Variants in ADAMTS2 observed in about 807,000 individuals in gnomAD.
ADAMTS2 encodes the protein ADAM metallopeptidase with thrombospondin type 1 motif 2.
In ADAMTS2, 50 loss-of-function variants were observed where a neutral mutation model predicts 123.0. That is an observed-to-expected ratio of 0.41 (90% CI 0.32 to 0.51). ADAMTS2 has a LOEUF of 0.51. Among genes scored for constraint, ADAMTS2 ranks in the 20% least tolerant of loss-of-function variants. The pLI, the probability that ADAMTS2 is intolerant of heterozygous loss-of-function variation, is 0.35. For synonymous variants in ADAMTS2, 678 were observed against 695.4 expected (o/e 0.98, Z 0.39); for missense variants, 1,494 against 1,705.2 (o/e 0.88, Z 2.18).
intron 3 of ADAMTS2, among the ~76,000 whole-genome samples, chr5:179,250,005 AT>A (rs1216132460): frequency 6.6e-6 from 1 of 152,222 alleles, no homozygotes; most frequent in Admixed American, 6.5e-5. Flanking sequence ...ACCAAGTGGG[AT>A]TTATCCGTGG....
At chr5:179,338,591 C>G (rs1159781587) in intron 2 of ADAMTS2, among the ~76,000 whole-genome samples, 1 of 152,210 alleles carries the variant, frequency 6.6e-6, no homozygotes, top group Non-Finnish European at 1.5e-5. Context: ...CTCCCGGAGT[C>G]TCATTCCAGA....
chr5:179,259,325 G>T (rs1766151777), intron 3 of ADAMTS2, among the ~76,000 whole-genome samples: 1 of 152,212 alleles, frequency 6.6e-6, no homozygotes, highest in Admixed American at 6.5e-5. Flanking sequence ...GTCTTTCATT[G>T]TGCAGGTATT....
At position 179,279,932 on chromosome 5, in the gene ADAMTS2, C is replaced by T. The variant is rs1766843872; in HGVS notation, c.535-6868G>A. Among the ~76,000 whole-genome samples the T allele has an allele frequency of 3.9e-5, 6 of 152,370 alleles. No homozygotes were observed. In the South Asian group the frequency reaches 1.2e-3, roughly 32 times the overall value. On this transcript the variant is annotated intron_variant, in intron 2 of 21. Transcript: ENST00000251582. ...AAACAGCTGTCCTCACCCGCATCTCCACCAGCTCCTCCTCTGTCTCATGGG... is the reference window on the plus strand; with the variant it reads ...AAACAGCTGTCCTCACCCGCATCTCTACCAGCTCCTCCTCTGTCTCATGGG...
intron 2 of ADAMTS2, among the ~76,000 whole-genome samples, chr5:179,315,488 C>T (rs746702217): frequency 3.3e-5 from 5 of 152,248 alleles, no homozygotes; most frequent in Non-Finnish European, 7.3e-5. Flanking sequence ...ACTTTCCTCC[C>T]ATCTCCCTTG....
rs370614125 is a variant in ADAMTS2, at chr5:179,153,576, G to A, written c.1430C>T (p.Ala477Val). The change falls in exon 9 of 22, where the codon GCG (alanine) becomes GTG (valine). Residue 477 changes from alanine to valine, a missense_variant. By Grantham distance (64) the Ala-to-Val change is moderately conservative (BLOSUM62 0). Coordinates refer to ENST00000251582, the MANE Select transcript of ADAMTS2 (RefSeq NM_014244.5). ...LDDPFAHDWP[A>V]LPQLPGLHYS... ...GTGCAGTCCCGGGAGCTGGGGCAGC[G>A]CCGGCCAGTCGTGGGCGAAGGGGTC... The A allele has an allele frequency of 2.9e-5, 46 of 1,608,772 alleles. No homozygotes were observed. Among genetic ancestry groups the A allele is most frequent in the South Asian group, 6.6e-5 (6 of 90,954 alleles).
chr5:179,308,993 C>T lies in ADAMTS2; in HGVS notation c.534+34774G>A, dbSNP rs146235175. Among the ~76,000 whole-genome samples, 2,995 of 152,334 alleles carry T rather than the reference C, an allele frequency of 0.02. 47 individuals carry two copies. Among genetic ancestry groups the T allele is most frequent in the Non-Finnish European group, 0.029 (1,988 of 68,018 alleles). On this transcript the variant is annotated intron_variant, in intron 2 of 21. Coordinates refer to ENST00000251582, the MANE Select transcript of ADAMTS2 (RefSeq NM_014244.5). This position sits in a 1 kb window ranked among gnomAD's most constrained non-coding sequence, Gnocchi z 6.6. ...GGGAAAGATACGAAGAGGGCTGAGG[C>T]GGGCGTTCCTGCCCTTGGGTCTCTT...
chr5:179,154,948 T>A (rs755212481), intron 6 of ADAMTS2, 29 bp from the exon 7 acceptor site: 3 of 1,596,050 alleles, frequency 1.9e-6, no homozygotes, highest in African/African-American at 1.3e-5. Context: ...CGGCTCCAGA[T>A]GCTGCCATAG....
At chr5:179,330,868 G>A (rs1326608319) in intron 2 of ADAMTS2, among the ~76,000 whole-genome samples, 2 of 152,220 alleles carry the variant, frequency 1.3e-5, no homozygotes, top group Non-Finnish European at 2.9e-5. Flanking sequence ...CCTTGACCTT[G>A]TTTGCTAGAA....
intron 4 of ADAMTS2, among the ~76,000 whole-genome samples, chr5:179,203,901 G>A (rs1367052959): frequency 1.3e-5 from 2 of 151,498 alleles, no homozygotes; most frequent in African/African-American, 4.8e-5. Context: ...GAACACCCAC[G>A]TTCACGGCAG....
chr5:179,163,667 T>A (rs1763641961), intron 5 of ADAMTS2, among the ~76,000 whole-genome samples: 2 of 152,306 alleles, frequency 1.3e-5, no homozygotes, highest in Middle Eastern at 3.4e-3. Flanking sequence ...CTGGCTTCTG[T>A]GGTTCAGCCT....
chr5:179,230,960 G>A (rs903160744), intron 3 of ADAMTS2, among the ~76,000 whole-genome samples: 157 of 151,620 alleles, frequency 1.0e-3, no homozygotes, highest in African/African-American at 3.7e-3. Context: ...GCAGTGAGCC[G>A]AGATCGTGCC....
At chr5:179,243,499 C>T (rs891428215) in intron 3 of ADAMTS2, among the ~76,000 whole-genome samples, 6 of 152,170 alleles carry the variant, frequency 3.9e-5, no homozygotes, top group African/African-American at 7.2e-5. Flanking sequence ...GTGAAGAATA[C>T]AGACTTTGTG....
rs755490840 is a variant in ADAMTS2, at chr5:179,132,885, C to T, written c.2101G>A (p.Gly701Ser). The change falls in exon 14 of 22, where the codon GGT (glycine) becomes AGT (serine). Residue 701 changes from glycine (G) to serine (S), a missense_variant. Physicochemically the swap from Gly to Ser is moderately conservative, Grantham distance 56. This residue lies in a region of ADAMTS2 where 953 missense variants were observed against 1,124.7 expected (regional missense o/e 0.85). Coordinates refer to ENST00000251582, the MANE Select transcript of ADAMTS2 (RefSeq NM_014244.5). This position sits in a 1 kb window ranked among gnomAD's most constrained non-coding sequence, Gnocchi z 6.1. ...TCCTGCTTGCTGGAGCCGATCACACCGTCACAGCCCACCTTCTGTTGGGGG... is the reference window on the plus strand; with the variant it reads ...TCCTGCTTGCTGGAGCCGATCACACTGTCACAGCCCACCTTCTGTTGGGGG... ...RGDCRKVGCD[G>S]VIGSSKQEDK... is the part of the protein sequence containing the mutation. The T allele has an allele frequency of 1.9e-5, 30 of 1,613,806 alleles. No homozygotes were observed. Among genetic ancestry groups the T allele is most frequent in the Non-Finnish European group, 2.3e-5 (27 of 1,179,926 alleles).
At chr5:179,306,426 A>C (rs58320080) in intron 2 of ADAMTS2, among the ~76,000 whole-genome samples, 1 of 152,190 alleles carries the variant, frequency 6.6e-6, no homozygotes, top group African/African-American at 2.4e-5. Context: ...ACTAAAAATT[A>C]AAAACTCTCA....
chr5:179,297,813 C>G (rs1057182054), intron 2 of ADAMTS2, among the ~76,000 whole-genome samples: 17 of 152,180 alleles, frequency 1.1e-4, no homozygotes, highest in African/African-American at 4.1e-4. Flanking sequence ...GCTGCGTCTT[C>G]GGCCTCCTCC....
intron 3 of ADAMTS2, among the ~76,000 whole-genome samples, chr5:179,248,107 G>T (rs77545365): frequency 6.6e-6 from 1 of 152,136 alleles, no homozygotes; most frequent in East Asian, 1.9e-4. Flanking sequence ...AGACAGAGCT[G>T]TATAGGAGCA....
chr5:179,316,633 C>A (rs1034661082), intron 2 of ADAMTS2, among the ~76,000 whole-genome samples: 1 of 152,200 alleles, frequency 6.6e-6, no homozygotes, highest in Non-Finnish European at 1.5e-5. Flanking sequence ...AGAGCAGGCA[C>A]GGAGAACTGC....
At chr5:179,326,526 AG>A (rs1219188489) in intron 2 of ADAMTS2, among the ~76,000 whole-genome samples, 5 of 32,362 alleles carry the variant, frequency 1.5e-4, no homozygotes, top group Non-Finnish European at 3.0e-4. Context: ...CCCCGCCCAC[AG>A]AGCTCTCAAA....
At chr5:179,339,892 G>A (rs2127462087) in intron 2 of ADAMTS2, among the ~76,000 whole-genome samples, 1 of 152,326 alleles carries the variant, frequency 6.6e-6, no homozygotes, top group South Asian at 2.1e-4. Flanking sequence ...GCCTTGCTGG[G>A]AAAAATGAAA....
Sources: allele counts gnomAD v4.1 joint callset (sites outside exome capture counted in the v4.1 genomes callset), GRCh38; gene constraint gnomAD v4.1.1; regional missense constraint gnomAD v4.1.1; non-coding constraint Gnocchi (gnomAD v3.1); transcripts MANE v1.5; gene names NCBI Gene and HGNC (gene_info 2026-07-23, HGNC 2026-07-21).